Variants in TBC1D14 observed in about 807,000 individuals in gnomAD.
TBC1D14 encodes TBC1 domain family member 14.
Under a neutral mutation model 79.0 loss-of-function variants are expected in TBC1D14, and 26 were observed. The ratio of observed to expected loss-of-function variants is 0.33; its 90% CI spans 0.24 to 0.46. The LOEUF is 0.46. Among genes scored for constraint, TBC1D14 ranks in the 20% least tolerant of loss-of-function variants. The pLI is 1.00. For missense variants in TBC1D14, 769 were observed against 887.6 expected, an observed-to-expected ratio of 0.87 and a Z score of 1.70; for synonymous variants, 394 against 349.9, an observed-to-expected ratio of 1.13 and a Z score of -1.40.
chr4:6,985,801 T>C (rs1221430651), intron 3 of TBC1D14, among the ~76,000 whole-genome samples: 1 of 152,220 alleles, frequency 6.6e-6, no homozygotes, highest in Non-Finnish European at 1.5e-5. Context: ...TTTTCAAATT[T>C]TGGATAATTG....
rs1228059043 is a variant in TBC1D14 at position 6,925,803 on chromosome 4, G to C, written c.722+1692G>C. Among the ~76,000 whole-genome samples, 3 of 152,272 alleles carry C rather than the reference G, an allele frequency of 2.0e-5. No individual in the cohort carries two copies. The East Asian group carries it at 5.8e-4, about 29-fold the overall frequency. On this transcript the variant is annotated intron_variant, in intron 2 of 13. Transcript: ENST00000409757. ...TAGATTTGTGTGGCGGAACTTCCCC[G>C]TGCTCAGACGAGTGTGTTCAACTGT...
chr4:7,010,270 C>G (rs1720617146), intron 10 of TBC1D14, among the ~76,000 whole-genome samples: 1 of 152,228 alleles, frequency 6.6e-6, no homozygotes, highest in African/African-American at 2.4e-5. Flanking sequence ...GCTGATACTT[C>G]TGTGGCTTCG....
At chr4:6,910,142 G>C (rs1722853474) in intron 1 of TBC1D14, 191 bp downstream of exon 1, 1 of 151,258 alleles carries the variant, frequency 6.6e-6, no homozygotes, top group Non-Finnish European at 1.5e-5. Context: ...GCGCGTGCGT[G>C]GCGCCCGGGG....
At chr4:6,996,163 A>T (rs1719024532) in intron 4 of TBC1D14, among the ~76,000 whole-genome samples, 162 bp from the exon 5 acceptor site, 1 of 152,234 alleles carries the variant, frequency 6.6e-6, no homozygotes, top group Non-Finnish European at 1.5e-5. Context: ...TTGTTTTTGT[A>T]AGAAAGCATT....
At chr4:7,023,879 G>A (rs1722077193) in intron 12 of TBC1D14, among the ~76,000 whole-genome samples, 1 of 152,236 alleles carries the variant, frequency 6.6e-6, no homozygotes, top group Non-Finnish European at 1.5e-5. Context: ...CTAGGTGCAG[G>A]TTTTCCCTGG....
chr4:7,017,054 A>G (rs1383054548), intron 12 of TBC1D14, among the ~76,000 whole-genome samples: 1 of 152,206 alleles, frequency 6.6e-6, no homozygotes, highest in East Asian at 1.9e-4. Context: ...TAATCCCAGC[A>G]CTTTGGGAGG....
chr4:6,924,417 C>G (rs774443137), intron 2 of TBC1D14, among the ~76,000 whole-genome samples: 6 of 152,154 alleles, frequency 3.9e-5, no homozygotes, highest in Non-Finnish European at 1.5e-5. Flanking sequence ...TCTGCGGGGC[C>G]CTGTGCACTC....
intron 2 of TBC1D14, among the ~76,000 whole-genome samples, chr4:6,964,904 G>A (rs1269017524): frequency 6.6e-6 from 1 of 152,164 alleles, no homozygotes; most frequent in Non-Finnish European, 1.5e-5. Context: ...TACCAACTGT[G>A]TGCATTTGGC....
At chr4:6,982,271 A>T (rs1280038863) in intron 3 of TBC1D14, among the ~76,000 whole-genome samples, 2 of 152,228 alleles carry the variant, frequency 1.3e-5, no homozygotes, top group African/African-American at 4.8e-5. Flanking sequence ...CCATACAACG[A>T]AATATGACTC....
chr4:6,990,123 C>A (rs941877865), intron 3 of TBC1D14, among the ~76,000 whole-genome samples: 15 of 152,170 alleles, frequency 9.9e-5, no homozygotes, highest in Non-Finnish European at 1.8e-4. Flanking sequence ...TCAAACTGAT[C>A]TGCTGCTAGA....
chr4:6,996,849 G>T (rs1343973470), intron 5 of TBC1D14, among the ~76,000 whole-genome samples: 1 of 152,256 alleles, frequency 6.6e-6, no homozygotes, highest in African/African-American at 2.4e-5. Flanking sequence ...AAAAGTGACT[G>T]TGTAAGATAG....
At position 6,923,499 on chromosome 4, in the gene TBC1D14, C is replaced by T. The variant is rs141012176; in HGVS notation, c.110C>T (p.Ala37Val). The T allele has an allele frequency of 4.6e-5, 75 of 1,614,190 alleles. No homozygotes were observed. In the African/African-American group the frequency reaches 4.9e-4, roughly 11 times the overall value. Residue 37 changes from alanine (A) to valine (V), a missense_variant, in exon 2 of 14, where the codon GCG becomes GTG. By Grantham distance (64) the Ala-to-Val change is moderately conservative. This residue lies in a region of TBC1D14 where 402 missense variants were observed against 393.2 expected (regional missense o/e 1.02). Coordinates refer to ENST00000409757, the MANE Select transcript of TBC1D14 (RefSeq NM_020773.3). ...LQNLQHVNLKAPRLLSAPEYG... is the reference protein window; with the variant it reads ...LQNLQHVNLKVPRLLSAPEYG... Reference sequence around the variant, plus strand: ...AACCTGCAACACGTCAATCTCAAGGCGCCCCGACTCCTCTCCGCGCCTGAG... The same window carrying T: ...AACCTGCAACACGTCAATCTCAAGGTGCCCCGACTCCTCTCCGCGCCTGAG...
intron 7 of TBC1D14, among the ~76,000 whole-genome samples, chr4:7,002,954 G>A (rs748799866): frequency 2.0e-5 from 3 of 152,194 alleles, no homozygotes; most frequent in Non-Finnish European, 4.4e-5. Flanking sequence ...TCTCTGGCTC[G>A]TGTGTGTGGG....
chr4:6,912,413 TAAAA>T (rs1260440182), intron 1 of TBC1D14, among the ~76,000 whole-genome samples: 3 of 147,082 alleles, frequency 2.0e-5, no homozygotes, highest in African/African-American at 5.4e-5. Context: ...AATAAAAAAA[TAAAA>T]AATAAATTTT....
chr4:7,001,141 C>A lies in TBC1D14; in HGVS notation c.1164-4C>A, dbSNP rs950746616. The A allele has an allele frequency of 8.7e-6, 14 of 1,613,292 alleles. No individual in the cohort carries two copies. The highest frequency in any genetic ancestry group is 3.3e-5 in the South Asian group (3 of 91,000). On this transcript the variant is annotated splice_polypyrimidine_tract_variant and splice_region_variant and intron_variant, in intron 6 of 13. Transcript: ENST00000409757. Reference sequence around the variant, plus strand: ...CTCAAACTCCTGCTTCTGTTTTTGTCCAGGTGGTGCTCTAGAAAAGTTCGA... The same window carrying A: ...CTCAAACTCCTGCTTCTGTTTTTGTACAGGTGGTGCTCTAGAAAAGTTCGA...
In TBC1D14 at chr4:7,025,190, C is replaced by A; in HGVS notation, c.1944C>A (p.Asp648Glu). 1 of 1,614,214 alleles carries A rather than the reference C, an allele frequency of 6.2e-7. No individual in the cohort carries two copies. ...MAQFLTRLPE[D>E]LPAEELFASI... ...AGTTCCTGACCCGGCTGCCCGAGGA[C>A]CTGCCCGCCGAGGAGCTGTTTGCCT... Residue 648 changes from aspartate to glutamate, a missense_variant, in exon 13 of 14, where the codon GAC becomes GAA. Coordinates refer to ENST00000409757, the MANE Select transcript of TBC1D14 (RefSeq NM_020773.3).
intron 11 of TBC1D14, among the ~76,000 whole-genome samples, chr4:7,012,273 G>A (rs983837321): frequency 1.6e-4 from 23 of 148,230 alleles, no homozygotes; most frequent in Non-Finnish European, 5.9e-5. Context: ...CTGCACTCCA[G>A]CCTGGGCGAC....
chr4:6,948,025 G>A (rs555215577), intron 2 of TBC1D14, among the ~76,000 whole-genome samples: 4 of 152,296 alleles, frequency 2.6e-5, no homozygotes, highest in East Asian at 1.9e-4. Context: ...AAATGTGGAC[G>A]TGCTTTGGGA....
At chr4:7,014,655 C>A in intron 12 of TBC1D14, 98 bp downstream of exon 12, 2 of 808,170 alleles carry the variant, frequency 2.5e-6, no homozygotes, top group Non-Finnish European at 4.1e-6. Context: ...CGGCTGAGTC[C>A]TCATATCCTG....
Sources: allele counts gnomAD v4.1 joint callset (sites outside exome capture counted in the v4.1 genomes callset), GRCh38; gene constraint gnomAD v4.1.1; regional missense constraint gnomAD v4.1.1; transcripts MANE v1.5; gene names NCBI Gene and HGNC (gene_info 2026-07-23, HGNC 2026-07-21).